The following RASAL2 variants were observed in gnomAD, a reference collection of about 807,000 sequenced individuals.
RASAL2 encodes the protein RAS protein activator like 2.
In RASAL2, 58 loss-of-function variants were observed where a neutral mutation model predicts 128.9. The observed-to-expected ratio is 0.45, with a 90% CI of 0.36 to 0.56. The LOEUF (loss-of-function observed/expected upper bound fraction) is 0.56, where lower values mean the gene tolerates loss of function less well. Among genes scored for constraint, RASAL2 ranks in the 20% least tolerant of loss-of-function variants. The pLI is 0.00. For missense variants in RASAL2, 1,360 were observed against 1,601.6 expected (o/e 0.85, Z 2.57); for synonymous variants, 561 against 580.8 (o/e 0.97, Z 0.49).
At chr1:178,449,763 C>T (rs1262358645) in intron 9 of RASAL2, among the ~76,000 whole-genome samples, 17 of 152,022 alleles carry the variant, frequency 1.1e-4, no homozygotes, top group African/African-American at 1.9e-4. Context: ...TAATCAGGGA[C>T]AAAAACTTTT....
intron 1 of RASAL2, among the ~76,000 whole-genome samples, chr1:178,131,360 C>T (rs1660108595): frequency 6.7e-6 from 1 of 150,200 alleles, no homozygotes; most frequent in South Asian, 2.1e-4. Context: ...TCGTGCACTA[C>T]CACGCCTGGA....
chr1:178,217,608 A>C (rs1663465035), intron 1 of RASAL2, among the ~76,000 whole-genome samples: 1 of 152,190 alleles, frequency 6.6e-6, no homozygotes, highest in Admixed American at 6.5e-5. Flanking sequence ...TTTGTTTCTC[A>C]GTCCATATAA....
intron 3 of RASAL2, among the ~76,000 whole-genome samples, chr1:178,362,261 A>G (rs1671158630): frequency 1.3e-5 from 2 of 152,172 alleles, no homozygotes; most frequent in African/African-American, 4.8e-5. Flanking sequence ...CTCTTTTATC[A>G]GGGATTTAAG....
intron 1 of RASAL2, among the ~76,000 whole-genome samples, chr1:178,132,029 T>G (rs924669223): frequency 2.6e-5 from 4 of 151,872 alleles, no homozygotes; most frequent in Non-Finnish European, 5.9e-5. Context: ...TCCCTTCCCC[T>G]CCTTCTTCCC....
intron 1 of RASAL2, among the ~76,000 whole-genome samples, chr1:178,157,799 A>C (rs1406955532): frequency 6.6e-6 from 1 of 152,204 alleles, no homozygotes; most frequent in Non-Finnish European, 1.5e-5. Context: ...GTCAATACTA[A>C]ATGATACTTT....
At chr1:178,099,102 T>G (rs1370002302) in intron 1 of RASAL2, among the ~76,000 whole-genome samples, 2 of 152,216 alleles carry the variant, frequency 1.3e-5, no homozygotes, top group African/African-American at 4.8e-5. Flanking sequence ...TCTAAATTTA[T>G]TTAAAATGTT....
At chr1:178,190,335 A>G (rs538476394) in intron 1 of RASAL2, among the ~76,000 whole-genome samples, 1 of 151,146 alleles carries the variant, frequency 6.6e-6, no homozygotes, top group African/African-American at 2.5e-5. Context: ...AACCAAAAGA[A>G]TACTCTGAAC....
At chr1:178,320,567 C>G (rs900084064) in intron 3 of RASAL2, among the ~76,000 whole-genome samples, 1 of 152,140 alleles carries the variant, frequency 6.6e-6, no homozygotes, top group Non-Finnish European at 1.5e-5. Context: ...CAGGTGCGTC[C>G]GTCACCCCTT....
chr1:178,189,770 A>T lies in RASAL2; in HGVS notation c.203-93794A>T, dbSNP rs573613753. The stretch of plus-strand genomic sequence containing the variant: ...GATAAAATTATTAGCACATCTATTT[A>T]TGTGTTTTTTTCTCATTGTGTTTAA... On this transcript the variant is annotated intron_variant, in intron 1 of 17. Coordinates refer to ENST00000367649, the MANE Select transcript of RASAL2 (RefSeq NM_170692.4). 4.6e-5 allele frequency among the ~76,000 whole-genome samples: 7 copies of T among 152,236 alleles called. No homozygotes were observed. In the South Asian group the frequency reaches 1.2e-3, roughly 27 times the overall value.
chr1:178,226,113 C>T (rs773717881), intron 1 of RASAL2, among the ~76,000 whole-genome samples: 2 of 152,120 alleles, frequency 1.3e-5, no homozygotes, highest in Non-Finnish European at 1.5e-5. Flanking sequence ...CAATTCGGTC[C>T]GTGGACCAGT....
At chr1:178,458,654 A>G in intron 14 of RASAL2, 110 bp downstream of exon 14, 1 of 1,415,212 alleles carries the variant, frequency 7.1e-7, no homozygotes, top group Non-Finnish European at 9.4e-7. Flanking sequence ...TTCCTCTTAA[A>G]AGCAACCTTT....
intron 1 of RASAL2, among the ~76,000 whole-genome samples, chr1:178,181,179 A>G (rs1007424491): frequency 2.0e-5 from 3 of 152,256 alleles, no homozygotes; most frequent in African/African-American, 7.2e-5. Context: ...AAAAATAAAT[A>G]TTAATGATAG....
intron 1 of RASAL2, among the ~76,000 whole-genome samples, chr1:178,241,577 T>G (rs906418301): frequency 6.6e-6 from 1 of 152,182 alleles, no homozygotes; most frequent in Non-Finnish European, 1.5e-5. Context: ...CCATCTTTAA[T>G]TTAACTAGAA....
At chr1:178,405,121 G>T (rs1046749865) in intron 4 of RASAL2, among the ~76,000 whole-genome samples, 5 of 152,154 alleles carry the variant, frequency 3.3e-5, no homozygotes, top group Admixed American at 6.5e-5. Flanking sequence ...AAGGCAAACT[G>T]GTACAACCCT....
At chr1:178,116,684 A>T (rs998318623) in intron 1 of RASAL2, among the ~76,000 whole-genome samples, 1 of 152,116 alleles carries the variant, frequency 6.6e-6, no homozygotes, top group Admixed American at 6.5e-5. Context: ...ATCTCGGCTC[A>T]CTGCAATCTT....
intron 1 of RASAL2, 90 bp from the exon 2 acceptor site, chr1:178,283,470 CTTTA>C (rs1166954895): frequency 2.1e-6 from 3 of 1,463,106 alleles, no homozygotes; most frequent in Non-Finnish European, 2.8e-6. Context: ...AGGCTCACCT[CTTTA>C]TTTGATTTGG....
At chr1:178,445,443 G>GA in intron 8 of RASAL2, 75 bp from the exon 9 acceptor site, 1 of 1,420,188 alleles carries the variant, frequency 7.0e-7, no homozygotes, top group Admixed American at 2.3e-5. Context: ...CAGGATGTCT[G>GA]ATATTTCAAA....
intron 1 of RASAL2, among the ~76,000 whole-genome samples, chr1:178,164,390 G>T (rs555567532): frequency 1.3e-5 from 2 of 152,058 alleles, no homozygotes; most frequent in East Asian, 3.9e-4. Context: ...TGAAAAAGCT[G>T]GTTATTCCAA....
chr1:178,108,454 C>CTT (rs1214813717), intron 1 of RASAL2, among the ~76,000 whole-genome samples: 1 of 152,262 alleles, frequency 6.6e-6, no homozygotes, highest in East Asian at 1.9e-4. Context: ...GTTCTAAGTG[C>CTT]TTTATGCCTG....
Sources: gnomAD v4.1 joint callset for allele counts (sites outside exome capture counted in the v4.1 genomes callset) on GRCh38, gnomAD v4.1.1 for gene constraint, MANE v1.5 for transcripts, NCBI Gene and HGNC (gene_info 2026-07-23, HGNC 2026-07-21) for gene names.